MYPOP: variants seen among roughly 807,000 people sequenced by gnomAD.
The protein encoded by MYPOP is Myb related transcription factor, partner of profilin.
Under a neutral mutation model 25.7 loss-of-function variants are expected in MYPOP, and 21 were observed. The ratio of observed to expected loss-of-function variants is 0.82; its 90% CI spans 0.58 to 1.18. The LOEUF (loss-of-function observed/expected upper bound fraction) is 1.18. Among genes scored for constraint, MYPOP ranks in the 50% most tolerant of loss-of-function variants. The pLI is 0.00. For missense variants in MYPOP, 566 were observed against 588.3 expected, an observed-to-expected ratio of 0.96 and a Z score of 0.39; for synonymous variants, 280 against 247.9, an observed-to-expected ratio of 1.13 and a Z score of -1.22.
chr19:45,901,523 T>C lies in MYPOP; in HGVS notation c.251A>G (p.Lys84Arg). The change falls in exon 2 of 3, where the codon AAG (lysine) becomes AGG (arginine). Residue 84 changes from lysine to arginine, a missense_variant. Lys to Arg is a conservative substitution (Grantham distance 26, BLOSUM62 2). Transcript: ENST00000322217. This position sits in a 1 kb window ranked among gnomAD's most constrained non-coding sequence, Gnocchi z 5.7. ...AGCGAGCTTCTCCTTGGTGCGGCGC[T>C]TGAAGTCGTTCCAGCGCTTCTGCAC... ...QEVQKRWNDFKRRTKEKLARV... is the reference protein window; with the variant it reads ...QEVQKRWNDFRRRTKEKLARV... 6.2e-7 allele frequency: 1 copy of C among 1,611,830 alleles called. No individual in the cohort carries two copies.
chr19:45,890,903 G>A lies in MYPOP; in HGVS notation c.920C>T (p.Pro307Leu). ...GGGTGGGGGTGGGGGCAGAGGTGGA[G>A]GCAGGGAGTCAACTGGGGTTCCTGG... ...LLPGTPVDSL[P>L]PPLPPPPPPP... Residue 307 changes from proline (P) to leucine (L), a missense_variant, in exon 3 of 3, where the codon CCT (proline) becomes CTT (leucine). Pro to Leu is a moderately conservative substitution (Grantham distance 98). Coordinates refer to ENST00000322217, the MANE Select transcript of MYPOP (RefSeq NM_001012643.4). 6.9e-7 allele frequency: 1 copy of A among 1,440,500 alleles called. No individual in the cohort carries two copies. The highest frequency in any genetic ancestry group is 2.7e-5 in the Admixed American group (1 of 37,272). The allele number at this position is 1,440,500 out of a possible 1,614,324, so 89.2% of individuals were successfully genotyped here.
At chr19:45,902,390 A>G (rs1256260307) in intron 1 of MYPOP, among the ~76,000 whole-genome samples, 180 bp downstream of exon 1, 12 of 151,996 alleles carry the variant, frequency 7.9e-5, no homozygotes, top group South Asian at 6.2e-4. Context: ...TGGAACGATC[A>G]AATATTAGGG....
Position 45,901,813 on chromosome 19 carries a change from G to A in MYPOP, c.-40C>T, listed in dbSNP as rs955717486. On this transcript the variant is annotated 5_prime_UTR_variant, in exon 2 of 3. Coordinates refer to ENST00000322217, the MANE Select transcript of MYPOP (RefSeq NM_001012643.4). This position sits in a 1 kb window ranked among gnomAD's most constrained non-coding sequence, Gnocchi z 5.7. ...CCGCCGTCCTGCCGTCTGGCGCATG[G>A]GGGGCGCCGGCGCTGCGGGCAAAGG... 7.4e-7 allele frequency: 1 copy of A among 1,344,584 alleles called. No homozygotes were observed. Among genetic ancestry groups the A allele is most frequent in the Non-Finnish European group, 9.5e-7 (1 of 1,050,634 alleles). 83.3% of individuals were successfully genotyped at this position (1,344,584 alleles called of 1,614,324 possible).
chr19:45,897,578 A>G (rs983943270), intron 2 of MYPOP, among the ~76,000 whole-genome samples: 3 of 152,094 alleles, frequency 2.0e-5, no homozygotes, highest in Admixed American at 2.0e-4. Flanking sequence ...TGTTTTGAGG[A>G]AGGGTCTCAC....
rs1378221568 is a variant in MYPOP at position 45,901,362 on chromosome 19, C to A, written c.412G>T (p.Ala138Ser). Residue 138 changes from alanine to serine, a missense_variant, in exon 2 of 3, where the codon GCG becomes TCG. Transcript: ENST00000322217. The surrounding 1 kb of genome is among the most constrained non-coding windows in gnomAD (Gnocchi z 5.7). ...GAGAGAEEPP[A>S]APSSQPPPPS... ...GGCGGCGGCTGTGAAGAGGGGGCCG[C>A]AGGGGGCTCCTCCGCCCCAGCACCT... The A allele has an allele frequency of 6.8e-7, 1 of 1,470,468 alleles. No individual in the cohort carries two copies. The highest frequency in any genetic ancestry group is 2.5e-5 in the East Asian group (1 of 39,528). 91.1% of individuals were successfully genotyped at this position (1,470,468 alleles called of 1,614,324 possible). A position where few individuals can be genotyped will look rare whatever the true frequency, so the allele number is the denominator to read the frequency against.
intron 2 of MYPOP, among the ~76,000 whole-genome samples, chr19:45,896,985 G>A (rs1277426472): frequency 1.3e-5 from 2 of 151,920 alleles, no homozygotes; most frequent in East Asian, 3.9e-4. Flanking sequence ...CAAACTCCTG[G>A]CCTCAAATGA....
chr19:45,890,806 G>C lies in MYPOP; in HGVS notation c.1017C>G (p.Ser339=). The change falls in exon 3 of 3, where the codon TCC becomes TCG. Residue 339 remains serine (S), a synonymous_variant. Coordinates refer to ENST00000322217, the MANE Select transcript of MYPOP (RefSeq NM_001012643.4). ...PKVEITPEPV[S]VVAAVVDGAV... is the part of the protein sequence containing the mutation. ...CCCCGTCCACCACAGCAGCCACCAC[G>C]GACACGGGCTCTGGGGTGATCTCCA... 6.7e-7 allele frequency: 1 copy of C among 1,487,580 alleles called. No individual in the cohort carries two copies. The highest frequency in any genetic ancestry group is 9.0e-7 in the Non-Finnish European group (1 of 1,115,672). 92.1% of individuals were successfully genotyped at this position (1,487,580 alleles called of 1,614,324 possible).
intron 2 of MYPOP, among the ~76,000 whole-genome samples, chr19:45,898,712 G>A (rs1967243681): frequency 1.3e-5 from 2 of 152,088 alleles, no homozygotes; most frequent in Non-Finnish European, 1.5e-5. Context: ...TCTAGCAGGA[G>A]TGCCCTTCTC....
At chr19:45,893,904 C>T (rs1187605645) in intron 2 of MYPOP, among the ~76,000 whole-genome samples, 3 of 149,962 alleles carry the variant, frequency 2.0e-5, no homozygotes, top group Non-Finnish European at 3.0e-5. Flanking sequence ...ATTCTCCTGC[C>T]TCAGCCTCCT....
intron 2 of MYPOP, among the ~76,000 whole-genome samples, chr19:45,894,667 G>A (rs1341200015): frequency 6.6e-6 from 1 of 151,818 alleles, no homozygotes; most frequent in Non-Finnish European, 1.5e-5. Flanking sequence ...ACACTTTGAG[G>A]TGATTGTATA....
intron 1 of MYPOP, among the ~76,000 whole-genome samples, chr19:45,902,077 G>A (rs890861638): frequency 4.0e-5 from 6 of 151,218 alleles, no homozygotes; most frequent in African/African-American, 1.5e-4. Context: ...GGAGGGTCTG[G>A]AGGGATGGAA....
intron 2 of MYPOP, among the ~76,000 whole-genome samples, chr19:45,898,126 T>C (rs771262805): frequency 7.0e-4 from 107 of 151,920 alleles, no homozygotes; most frequent in Middle Eastern, 3.2e-3. Flanking sequence ...GGTTTCGCCA[T>C]GTTGGCCAGA....
rs375420368 is a variant in MYPOP at position 45,900,452 on chromosome 19, C to A, written c.499+823G>T. ...CTCCAGGAAGCCCTCCTGGACCACC[C>A]CCCCCCCCACCGAAATCAGAAACCC... On this transcript the variant is annotated intron_variant, in intron 2 of 2. Transcript: ENST00000322217. 1.7e-3 allele frequency among the ~76,000 whole-genome samples: 205 copies of A among 122,644 alleles called. 4 individuals carry two copies. The highest frequency in any genetic ancestry group is 5.6e-3 in the African/African-American group (180 of 32,304). The allele number at this position is 122,644 out of a possible 152,430, so 80.5% of individuals were successfully genotyped here.
chr19:45,901,448 A>G lies in MYPOP; in HGVS notation c.326T>C (p.Phe109Ser), dbSNP rs750695945. ...AAAAATGGTCTCCTCTTCCGCGGAG[A>G]AAGCGTCCTCCGCGGCGGGCCCGGC... Reference protein sequence around the residue: ...QGAGPAAEDAFSAEEETIFAI... With the variant: ...QGAGPAAEDASSAEEETIFAI... Residue 109 changes from phenylalanine to serine, a missense_variant, in exon 2 of 3, where the codon TTC becomes TCC. By Grantham distance (155) the Phe-to-Ser change is radical (BLOSUM62 -2). Coordinates refer to ENST00000322217, the MANE Select transcript of MYPOP (RefSeq NM_001012643.4). The surrounding 1 kb of genome is among the most constrained non-coding windows in gnomAD (Gnocchi z 5.7). The G allele has an allele frequency of 2.5e-6, 4 of 1,594,628 alleles. No homozygotes were observed. In the African/African-American group the frequency reaches 4.1e-5, roughly 16 times the overall value.
At chr19:45,895,706 T>C (rs1183265138) in intron 2 of MYPOP, among the ~76,000 whole-genome samples, 2 of 152,148 alleles carry the variant, frequency 1.3e-5, no homozygotes, top group Admixed American at 1.3e-4. Context: ...TCAGCGCTGA[T>C]TGGGTCCCAG....
chr19:45,901,896 G>C lies in MYPOP; in HGVS notation c.-52-71C>G, dbSNP rs1967303447. 2 of 805,114 alleles carry C rather than the reference G, an allele frequency of 2.5e-6. No homozygotes were observed. The highest frequency in any genetic ancestry group is 5.5e-5 in the South Asian group (1 of 18,080). The allele number at this position is 805,114 out of a possible 1,614,324, so 49.9% of individuals were successfully genotyped here. On this transcript the variant is annotated intron_variant, in intron 1 of 2. Transcript: ENST00000322217. This position sits in a 1 kb window ranked among gnomAD's most constrained non-coding sequence, Gnocchi z 5.7. ...CCGCCGCCGCCTCTCCCAGACCGCC[G>C]GGCCGAGAGCTCCTTAGTCCCCGGG...
chr19:45,891,571 G>C (rs1818500965), intron 2 of MYPOP, among the ~76,000 whole-genome samples: 1 of 151,858 alleles, frequency 6.6e-6, no homozygotes, highest in Non-Finnish European at 1.5e-5. Flanking sequence ...CGAGTAGCTG[G>C]GATTTCAGGT....
At chr19:45,895,207 A>G (rs1967185332) in intron 2 of MYPOP, among the ~76,000 whole-genome samples, 1 of 151,908 alleles carries the variant, frequency 6.6e-6, no homozygotes, top group South Asian at 2.1e-4. Context: ...GGCTGTAGCC[A>G]CGGTGGCCTC....
intron 2 of MYPOP, among the ~76,000 whole-genome samples, chr19:45,900,449 A>ACCCCC (rs57059844): frequency 1.3e-5 from 1 of 76,748 alleles, no homozygotes. Context: ...CTCCTGGACC[A>ACCCCC]CCCCCCCCCC....
Sources: allele counts gnomAD v4.1 joint callset (sites outside exome capture counted in the v4.1 genomes callset), GRCh38; gene constraint gnomAD v4.1.1; non-coding constraint Gnocchi (gnomAD v3.1); transcripts MANE v1.5; gene names NCBI Gene and HGNC (gene_info 2026-07-23, HGNC 2026-07-21).